The following BRD10 variants were observed in gnomAD, a reference collection of about 807,000 sequenced individuals.
BRD10 encodes bromodomain containing 10, also known as uncharacterized bromodomain-containing protein 10.
At chr9:5,907,751 G>A in the BRD10 span, among the ~76,000 whole-genome samples, 3 of 152,270 alleles carry the variant, frequency 2.0e-5, no homozygotes, top group East Asian at 1.9e-4. Context: ...TCAGGAGCTC[G>A]AGACCAGCCT....
the BRD10 span, among the ~76,000 whole-genome samples, chr9:5,902,938 C>A: frequency 3.7e-4 from 56 of 152,270 alleles, no homozygotes; most frequent in African/African-American, 1.3e-3. Context: ...CTTTCTTCTT[C>A]TCTAATATAC....
At chr9:5,996,344 C>T in the BRD10 span, among the ~76,000 whole-genome samples, 5 of 151,818 alleles carry the variant, frequency 3.3e-5, no homozygotes, top group East Asian at 5.8e-4. Context: ...TTTGAGACAA[C>T]GTCTTACTCT....
chr9:5,956,793 G>T, the BRD10 span, among the ~76,000 whole-genome samples: 1 of 152,070 alleles, frequency 6.6e-6, no homozygotes, highest in Non-Finnish European at 1.5e-5. Flanking sequence ...TTAACTTAGA[G>T]TACTGTAATT....
chr9:5,914,173 T>A, the BRD10 span: 1 of 371,664 alleles, frequency 2.7e-6, no homozygotes, highest in South Asian at 2.1e-5. Context: ...ATCCCATGCA[T>A]CATCATGTCT....
the BRD10 span, among the ~76,000 whole-genome samples, chr9:5,982,201 A>G: frequency 6.6e-6 from 1 of 152,186 alleles, no homozygotes; most frequent in Non-Finnish European, 1.5e-5. Flanking sequence ...GTCATGATGA[A>G]GTAATTGAAC....
At chr9:5,893,861 G>T in the BRD10 span, among the ~76,000 whole-genome samples, 10,961 of 151,770 alleles carry the variant, frequency 0.072, 929 homozygotes, top group East Asian at 0.2. Flanking sequence ...GGCTAGGACC[G>T]TTCCTTTCAA....
At chr9:6,000,617 C>G in the BRD10 span, among the ~76,000 whole-genome samples, 2 of 152,098 alleles carry the variant, frequency 1.3e-5, no homozygotes, top group Non-Finnish European at 2.9e-5. Flanking sequence ...TGTCTTAATT[C>G]TAAATCATTC....
the BRD10 span, chr9:5,922,851 T>C: frequency 2.5e-6 from 4 of 1,613,850 alleles, no homozygotes; most frequent in Admixed American, 1.7e-5. Flanking sequence ...AATGCTGGCT[T>C]TATCGGGCTT....
chr9:5,968,137 T>C, the BRD10 span: 1 of 1,583,722 alleles, frequency 6.3e-7, no homozygotes, highest in Non-Finnish European at 8.6e-7. Context: ...TCTGTAAGTT[T>C]TCATTCAAAA....
chr9:5,995,444 T>C, the BRD10 span, among the ~76,000 whole-genome samples: 3 of 152,246 alleles, frequency 2.0e-5, no homozygotes, highest in South Asian at 4.1e-4. Context: ...TCATTAATTA[T>C]CTTCTGAGCC....
the BRD10 span, among the ~76,000 whole-genome samples, chr9:5,936,159 T>C: frequency 6.6e-6 from 1 of 152,252 alleles, no homozygotes; most frequent in East Asian, 1.9e-4. Flanking sequence ...AGTTCGAGAC[T>C]AGTCTGGGAA....
At chr9:5,883,517 G>A in the BRD10 span, among the ~76,000 whole-genome samples, 1 of 141,484 alleles carries the variant, frequency 7.1e-6, no homozygotes, top group Admixed American at 7.4e-5. Flanking sequence ...ACAGGCTGGA[G>A]TGTAGTGGTG....
chr9:5,883,928 T>C, the BRD10 span, among the ~76,000 whole-genome samples: 2 of 152,302 alleles, frequency 1.3e-5, no homozygotes, highest in South Asian at 4.1e-4. Flanking sequence ...CCAGACACAC[T>C]AGGCCTCACC....
chr9:6,006,520 G>A, the BRD10 span, among the ~76,000 whole-genome samples: 2 of 152,058 alleles, frequency 1.3e-5, no homozygotes, highest in African/African-American at 2.4e-5. Context: ...TATGGGTGGC[G>A]GATACCAAGA....
the BRD10 span, among the ~76,000 whole-genome samples, chr9:5,997,431 G>C: frequency 1.6e-5 from 1 of 64,200 alleles, no homozygotes; most frequent in African/African-American, 4.2e-5. Flanking sequence ...ATAAATACAT[G>C]AAAAAATGGG....
the BRD10 span, among the ~76,000 whole-genome samples, chr9:5,993,426 A>G: frequency 6.6e-6 from 1 of 152,178 alleles, no homozygotes; most frequent in Non-Finnish European, 1.5e-5. Context: ...CTGGAAAGAA[A>G]TAGATAATAT....
chr9:5,882,973 C>T, the BRD10 span, among the ~76,000 whole-genome samples: 3 of 151,862 alleles, frequency 2.0e-5, no homozygotes, highest in Non-Finnish European at 4.4e-5. Flanking sequence ...AACACTTGGA[C>T]ACAGGAAGGG....
chr9:5,883,042 G>A, the BRD10 span, among the ~76,000 whole-genome samples: 1 of 152,104 alleles, frequency 6.6e-6, no homozygotes, highest in African/African-American at 2.4e-5. Context: ...ATAGCATTAG[G>A]AGATATACCT....
the BRD10 span, among the ~76,000 whole-genome samples, chr9:5,943,995 G>A: frequency 6.6e-6 from 1 of 151,984 alleles, no homozygotes; most frequent in Non-Finnish European, 1.5e-5. Context: ...CATATAAAAT[G>A]ACTAACACAA....
Sources: gnomAD v4.1 joint callset for allele counts (sites outside exome capture counted in the v4.1 genomes callset) on GRCh38, gnomAD v4.1.1 for gene constraint, MANE v1.5 for transcripts, NCBI Gene and HGNC (gene_info 2026-07-23, HGNC 2026-07-21) for gene names.